Variants in SLC39A11 observed in about 807,000 individuals in gnomAD.
SLC39A11 encodes solute carrier family 39 member 11, also known as zinc transporter ZIP11.
Under a neutral mutation model 36.1 loss-of-function variants are expected in SLC39A11, and 33 were observed. The ratio of observed to expected loss-of-function variants is 0.91; its 90% confidence interval spans 0.69 to 1.22. The LOEUF (loss-of-function observed/expected upper bound fraction) is 1.22, where lower values mean the gene tolerates loss of function less well. Among genes scored for constraint, SLC39A11 ranks in the 50% most tolerant of loss-of-function variants. The pLI is 0.00. For synonymous variants in SLC39A11, 166 were observed against 170.3 expected, an observed-to-expected ratio of 0.97 and a Z score of 0.20; for missense variants, 432 against 430.3, an observed-to-expected ratio of 1.00 and a Z score of -0.03.
chr17:73,080,804 G>A (rs1194204362), intron 3 of SLC39A11, among the ~76,000 whole-genome samples: 9 of 151,896 alleles, frequency 5.9e-5, no homozygotes, highest in Admixed American at 4.6e-4. Context: ...AAATAGCCAG[G>A]CATGGTGGTG....
chr17:72,788,635 C>A (rs1011576884), intron 6 of SLC39A11, among the ~76,000 whole-genome samples: 2 of 152,246 alleles, frequency 1.3e-5, no homozygotes, highest in Non-Finnish European at 2.9e-5. Flanking sequence ...TTTTGGGAGG[C>A]AGGAGGGCCC....
At chr17:72,667,468 TTTGCCATTGGGAAACAA>T (rs1198621630) in intron 7 of SLC39A11, among the ~76,000 whole-genome samples, 4 of 152,218 alleles carry the variant, frequency 2.6e-5, no homozygotes, top group African/African-American at 9.6e-5. Context: ...GACTCAGTGC[TTTGCCATTGGGAAACAA>T]TTGTGTTTTC....
chr17:73,088,595 G>C (rs1289359199), intron 2 of SLC39A11, 62 bp downstream of exon 2: 1 of 1,329,672 alleles, frequency 7.5e-7, no homozygotes, highest in African/African-American at 1.5e-5. Flanking sequence ...CATGGAGTGG[G>C]ACAGTGCCCC....
chr17:72,676,070 TCACACACACACA>T (rs3222866), intron 7 of SLC39A11, among the ~76,000 whole-genome samples: 1 of 129,924 alleles, frequency 7.7e-6, no homozygotes, highest in Admixed American at 7.8e-5. Context: ...TCACAATGTT[TCACACACACACA>T]CACACACACA....
intron 6 of SLC39A11, among the ~76,000 whole-genome samples, chr17:72,747,111 G>A (rs963279444): frequency 6.6e-6 from 1 of 152,142 alleles, no homozygotes; most frequent in African/African-American, 2.4e-5. Flanking sequence ...TGGACAATGG[G>A]GGCTTTGGGG....
At chr17:72,759,718 G>T (rs988969991) in intron 6 of SLC39A11, among the ~76,000 whole-genome samples, 14 of 151,974 alleles carry the variant, frequency 9.2e-5, no homozygotes, top group African/African-American at 3.1e-4. Flanking sequence ...GAAAACAAAG[G>T]TAATATACTT....
rs764594380 is a variant in SLC39A11 at position 72,947,762 on chromosome 17, G to A, written c.420C>T (p.Ser140=). Residue 140 remains serine (S), a synonymous_variant, in exon 5 of 10, where the codon TCC becomes TCT. Coordinates refer to ENST00000255559, the MANE Select transcript of SLC39A11 (RefSeq NM_139177.4). ...PALLFPESEL[S]IRIDKSENGE... ...GAAGCCCAGCTCTACCTATCCGGATGGAAAGTTCACTCTCAGGGAAGAGCA... is the reference window on the plus strand; with the variant it reads ...GAAGCCCAGCTCTACCTATCCGGATAGAAAGTTCACTCTCAGGGAAGAGCA... The A allele has an allele frequency of 4.3e-6, 7 of 1,613,950 alleles. No individual in the cohort carries two copies. The South Asian group carries it at 5.5e-5, about 13-fold the overall frequency.
At chr17:72,783,436 G>A (rs181001647) in intron 6 of SLC39A11, among the ~76,000 whole-genome samples, 177 of 152,310 alleles carry the variant, frequency 1.2e-3, no homozygotes, top group African/African-American at 2.9e-3. Flanking sequence ...TGAGCCCTAA[G>A]GCCTTCATAC....
At chr17:72,918,832 G>A (rs1304936734) in intron 5 of SLC39A11, among the ~76,000 whole-genome samples, 1 of 152,164 alleles carries the variant, frequency 6.6e-6, no homozygotes, top group Admixed American at 6.5e-5. Context: ...GGGGGTTGAG[G>A]TGGGTAGATC....
chr17:73,077,463 G>A (rs140442812), intron 3 of SLC39A11, among the ~76,000 whole-genome samples: 152 of 152,210 alleles, frequency 1.0e-3, no homozygotes, highest in African/African-American at 3.6e-3. Context: ...GATTACAGGC[G>A]CATGCCACCA....
intron 4 of SLC39A11, among the ~76,000 whole-genome samples, chr17:72,962,143 C>T (rs1311950461): frequency 1.3e-5 from 2 of 152,136 alleles, no homozygotes; most frequent in Non-Finnish European, 2.9e-5. Context: ...CTGGCATCTT[C>T]CCTTCTCTCT....
chr17:72,897,461 G>A (rs1240153989), intron 5 of SLC39A11, among the ~76,000 whole-genome samples: 2 of 152,186 alleles, frequency 1.3e-5, no homozygotes, highest in African/African-American at 4.8e-5. Context: ...ATTACAGAAA[G>A]TTCTACTGTA....
chr17:73,082,485 G>C (rs72843903), intron 3 of SLC39A11, among the ~76,000 whole-genome samples: 48,499 of 151,344 alleles, frequency 0.32, 8,125 homozygotes, highest in Middle Eastern at 0.53. Context: ...TTTCTTTTTT[G>C]TTTTGTTTTT....
At chr17:72,902,020 CCAGCA>C (rs2082412073) in intron 5 of SLC39A11, among the ~76,000 whole-genome samples, 1 of 152,092 alleles carries the variant, frequency 6.6e-6, no homozygotes, top group African/African-American at 2.4e-5. Context: ...ACCTGTAATC[CCAGCA>C]CTTTGAAAGG....
chr17:72,729,445 ATATATATATATATTTTTTTTT>A (rs1262261315), intron 7 of SLC39A11, among the ~76,000 whole-genome samples: 41 of 3,162 alleles, frequency 0.013, 2 homozygotes, highest in African/African-American at 0.052. Context: ...ATATATATAT[ATATATATATATATTTTTTTTT>A]TTTTTTTTTT....
At position 72,649,201 on chromosome 17, in the gene SLC39A11, C is replaced by T; in HGVS notation, c.739G>A (p.Gly247Arg). The T allele has an allele frequency of 1.9e-6, 3 of 1,614,196 alleles. No individual in the cohort carries two copies. In the South Asian group the frequency reaches 3.3e-5, roughly 18 times the overall value. The part of the protein sequence containing the change: ...EGLAVSLPLR[G>R]AGFSTWRAFW... ...GCTCTCCAGGTGGAGAAGCCTGCCC[C>T]TCGCAAGGGAAGGCTGACAGCCAGG... The change falls in exon 8 of 10, where the codon GGG (glycine) becomes AGG (arginine). Residue 247 changes from glycine to arginine, a missense_variant. Transcript: ENST00000255559.
intron 6 of SLC39A11, among the ~76,000 whole-genome samples, chr17:72,741,996 GC>G (rs1382322783): frequency 6.6e-6 from 1 of 152,106 alleles, no homozygotes; most frequent in Non-Finnish European, 1.5e-5. Flanking sequence ...GAGATCAGGA[GC>G]TCAAGATTAG....
At chr17:72,703,004 G>A (rs2072724222) in intron 7 of SLC39A11, among the ~76,000 whole-genome samples, 1 of 150,454 alleles carries the variant, frequency 6.6e-6, no homozygotes, top group Non-Finnish European at 1.5e-5. Flanking sequence ...GTGGGGTTGG[G>A]AGTCAGAAAG....
intron 6 of SLC39A11, among the ~76,000 whole-genome samples, chr17:72,760,299 A>G (rs965688467): frequency 3.9e-5 from 6 of 152,250 alleles, no homozygotes; most frequent in African/African-American, 1.4e-4. Context: ...AAGTGCTGGG[A>G]CTACAGGCGT....
Sources: gnomAD v4.1 joint callset for allele counts (sites outside exome capture counted in the v4.1 genomes callset) on GRCh38, gnomAD v4.1.1 for gene constraint, MANE v1.5 for transcripts, NCBI Gene and HGNC (gene_info 2026-07-23, HGNC 2026-07-21) for gene names.